The following MBNL1 variants were observed in gnomAD, a reference collection of about 807,000 sequenced individuals.
MBNL1 encodes the protein muscleblind-like protein 1.
Under a neutral mutation model 42.2 loss-of-function variants are expected in MBNL1, and 8 were observed. The ratio of observed to expected loss-of-function variants is 0.19; its 90% CI spans 0.11 to 0.34. The LOEUF is 0.34. Among genes scored for constraint, MBNL1 ranks in the 10% least tolerant of loss-of-function variants. MBNL1 has a pLI of 1.00. For missense variants in MBNL1, 309 were observed against 495.3 expected, an observed-to-expected ratio of 0.62 and a Z score of 3.57; for synonymous variants, 169 against 173.9, an observed-to-expected ratio of 0.97 and a Z score of 0.22.
At chr3:152,250,560 T>C (rs2034339505) in intron 2 of MBNL1, among the ~76,000 whole-genome samples, 2 of 152,120 alleles carry the variant, frequency 1.3e-5, no homozygotes, top group African/African-American at 4.8e-5. Flanking sequence ...TCAAGTCGTC[T>C]GCAAACAGGG....
chr3:152,406,910 C>T (rs2098442440), intron 2 of MBNL1, among the ~76,000 whole-genome samples: 1 of 152,010 alleles, frequency 6.6e-6, no homozygotes, highest in African/African-American at 2.4e-5. Flanking sequence ...ATGTTTAATG[C>T]CGTTAAAAAG....
intron 2 of MBNL1, among the ~76,000 whole-genome samples, chr3:152,256,072 T>G (rs1014124403): frequency 1.3e-5 from 2 of 152,090 alleles, no homozygotes; most frequent in Non-Finnish European, 2.9e-5. Flanking sequence ...GTGTCTTAAT[T>G]GGGGATGGGA....
intron 2 of MBNL1, among the ~76,000 whole-genome samples, chr3:152,250,797 A>C (rs905142272): frequency 6.6e-6 from 1 of 151,944 alleles, no homozygotes; most frequent in Non-Finnish European, 1.5e-5. Flanking sequence ...ACGTCCCATC[A>C]ATACCTAATT....
In MBNL1 at chr3:152,300,333, A is replaced by G. The variant is rs764968337; in HGVS notation, c.140A>G (p.Asn47Ser). 29 of 1,614,124 alleles carry G rather than the reference A, an allele frequency of 1.8e-5. No individual in the cohort carries two copies. The highest frequency in any genetic ancestry group is 2.5e-5 in the Non-Finnish European group (29 of 1,179,954). The change falls in exon 2 of 10, where the codon AAT becomes AGT. Residue 47 changes from asparagine to serine, a missense_variant. By Grantham distance (46) the Asn-to-Ser change is conservative. Coordinates refer to ENST00000324210, the MANE Select transcript of MBNL1 (RefSeq NM_021038.5). ...AHPSKSCQVE[N>S]GRVIACFDSL... ...CCTTCGAAAAGCTGCCAAGTTGAAA[A>G]TGGACGAGTAATCGCCTGCTTTGAT...
intron 2 of MBNL1, among the ~76,000 whole-genome samples, chr3:152,382,493 T>C (rs2097219482): frequency 6.6e-6 from 1 of 152,010 alleles, no homozygotes; most frequent in African/African-American, 2.4e-5. Context: ...TTCAAGTAAT[T>C]TGAAGCGTGA....
chr3:152,266,327 A>C (rs2037219776), upstream of MBNL1: 1 of 147,428 alleles, frequency 6.8e-6, no homozygotes, highest in Non-Finnish European at 1.5e-5. Flanking sequence ...TCATGGAGTA[A>C]AAAACATGTC....
At chr3:152,342,450 A>G (rs901114205) in intron 2 of MBNL1, among the ~76,000 whole-genome samples, 8 of 152,074 alleles carry the variant, frequency 5.3e-5, no homozygotes, top group Non-Finnish European at 1.2e-4. Flanking sequence ...AAAATAGCCA[A>G]TAAATTATTG....
At chr3:152,448,394 A>G (rs1714817215) in intron 6 of MBNL1, among the ~76,000 whole-genome samples, 1 of 152,194 alleles carries the variant, frequency 6.6e-6, no homozygotes, top group Non-Finnish European at 1.5e-5. Flanking sequence ...GGTAATGTAT[A>G]CATAATCTAG....
chr3:152,376,817 T>TAC (rs930894589), intron 2 of MBNL1, among the ~76,000 whole-genome samples: 2 of 151,922 alleles, frequency 1.3e-5, no homozygotes, highest in African/African-American at 2.4e-5. Flanking sequence ...CACACACACA[T>TAC]ACACACACAC....
At chr3:152,379,306 G>T (rs2097074830) in intron 2 of MBNL1, among the ~76,000 whole-genome samples, 1 of 152,120 alleles carries the variant, frequency 6.6e-6, no homozygotes, top group African/African-American at 2.4e-5. Flanking sequence ...AGAGTTTTCT[G>T]TCAACCAATG....
At chr3:152,339,262 GA>G (rs1356038294) in intron 2 of MBNL1, among the ~76,000 whole-genome samples, 1 of 151,802 alleles carries the variant, frequency 6.6e-6, no homozygotes, top group African/African-American at 2.4e-5. Context: ...ATTTTAAAGG[GA>G]AAAAAATTAA....
intron 4 of MBNL1, among the ~76,000 whole-genome samples, chr3:152,438,767 C>G (rs986372314): frequency 6.6e-6 from 1 of 152,156 alleles, no homozygotes; most frequent in African/African-American, 2.4e-5. Flanking sequence ...TCATCGTTTA[C>G]TTAATGTATT....
chr3:152,316,592 C>A (rs1030775928), intron 2 of MBNL1, among the ~76,000 whole-genome samples: 1 of 152,064 alleles, frequency 6.6e-6, no homozygotes, highest in African/African-American at 2.4e-5. Context: ...ATCACCTAGT[C>A]CTGCTTGCTC....
chr3:152,354,205 C>T (rs1166655920), intron 2 of MBNL1, among the ~76,000 whole-genome samples: 5 of 152,224 alleles, frequency 3.3e-5, no homozygotes, highest in South Asian at 2.1e-4. Flanking sequence ...TAAAATATTA[C>T]GTACCTTAGG....
intron 1 of MBNL1, among the ~76,000 whole-genome samples, chr3:152,294,035 G>T (rs1158569811): frequency 6.6e-6 from 1 of 151,116 alleles, no homozygotes; most frequent in Non-Finnish European, 1.5e-5. Context: ...CCTTTTCTCG[G>T]TTTTTATTAT....
intron 2 of MBNL1, among the ~76,000 whole-genome samples, chr3:152,350,264 A>G (rs927332237): frequency 3.9e-5 from 6 of 152,154 alleles, no homozygotes; most frequent in African/African-American, 1.4e-4. Context: ...TGAGAAAAAA[A>G]TCACTTTGGC....
intron 2 of MBNL1, chr3:152,339,703 A>G (rs897687180): frequency 6.6e-6 from 1 of 152,322 alleles, no homozygotes; most frequent in South Asian, 2.1e-4. Context: ...TTCAATGGCC[A>G]AAAATGCAAC....
intron 2 of MBNL1, among the ~76,000 whole-genome samples, chr3:152,407,047 CTGTGTGTGTG>C (rs373321399): frequency 1.5e-5 from 1 of 67,598 alleles, no homozygotes; most frequent in East Asian, 3.0e-4. Context: ...TGTTAAGCCA[CTGTGTGTGTG>C]TGTGTGTGTG....
At chr3:152,312,378 C>G (rs976088172) in intron 2 of MBNL1, among the ~76,000 whole-genome samples, 4 of 152,068 alleles carry the variant, frequency 2.6e-5, no homozygotes. Flanking sequence ...TCTTGCCACG[C>G]ATTGTGTTTT....
Sources: allele counts gnomAD v4.1 joint callset (sites outside exome capture counted in the v4.1 genomes callset), GRCh38; gene constraint gnomAD v4.1.1; transcripts MANE v1.5; gene names NCBI Gene and HGNC (gene_info 2026-07-23, HGNC 2026-07-21).